Variants in GTF2F2 observed in about 807,000 individuals in gnomAD.
GTF2F2 encodes the protein general transcription factor IIF subunit 2.
Under a neutral mutation model 42.2 loss-of-function variants are expected in GTF2F2, and 23 were observed. The observed-to-expected ratio is 0.55, with a 90% CI of 0.39 to 0.77. The LOEUF is 0.77. Ranked by LOEUF, GTF2F2 falls within the 30% of genes least tolerant of loss-of-function variation. The pLI is 0.00. For missense variants in GTF2F2, 261 were observed against 287.2 expected (o/e 0.91, Z 0.66); for synonymous variants, 105 against 100.8 (o/e 1.04, Z -0.25).
intron 5 of GTF2F2, among the ~76,000 whole-genome samples, chr13:45,240,876 A>G (rs1875259839): frequency 6.6e-6 from 1 of 151,694 alleles, no homozygotes; most frequent in Admixed American, 6.6e-5. Flanking sequence ...ATGGTGGCTC[A>G]TGCCTGTAAT....
At chr13:45,266,129 T>TGGC (rs1435709179) in intron 6 of GTF2F2, among the ~76,000 whole-genome samples, 1 of 152,206 alleles carries the variant, frequency 6.6e-6, no homozygotes, top group Non-Finnish European at 1.5e-5. Flanking sequence ...CTTTTTAAGC[T>TGGC]GGCATGCATG....
intron 4 of GTF2F2, among the ~76,000 whole-genome samples, chr13:45,165,573 C>G (rs977843391): frequency 6.7e-6 from 1 of 150,178 alleles, no homozygotes. Flanking sequence ...CCTCGCCCCC[C>G]CCCGCCGCCC....
chr13:45,255,537 G>A (rs1876069032), intron 6 of GTF2F2, among the ~76,000 whole-genome samples: 1 of 152,196 alleles, frequency 6.6e-6, no homozygotes, highest in South Asian at 2.1e-4. Context: ...TAAGGTTTCA[G>A]ATGATCCAGA....
chr13:45,124,190 C>G (rs564731624), intron 1 of GTF2F2: 4 of 432,206 alleles, frequency 9.3e-6, no homozygotes, highest in Admixed American at 5.5e-5. Flanking sequence ...TCAAGCGATT[C>G]TCCTGCCTCA....
chr13:45,137,055 T>C (rs1284359937), intron 2 of GTF2F2, among the ~76,000 whole-genome samples: 1 of 152,216 alleles, frequency 6.6e-6, no homozygotes, highest in African/African-American at 2.4e-5. Flanking sequence ...TTGGTTTACC[T>C]TAATGGCGGT....
At chr13:45,149,992 G>A (rs1479816709) in intron 3 of GTF2F2, among the ~76,000 whole-genome samples, 2 of 152,034 alleles carry the variant, frequency 1.3e-5, no homozygotes, top group African/African-American at 4.8e-5. Flanking sequence ...TTTCTTCTTT[G>A]ACCTACATTT....
chr13:45,274,358 G>A (rs1389810390), intron 7 of GTF2F2, among the ~76,000 whole-genome samples: 5 of 115,246 alleles, frequency 4.3e-5, no homozygotes, highest in East Asian at 4.6e-4. Flanking sequence ...ATGGAGTCTC[G>A]CTCTGTCACC....
intron 7 of GTF2F2, among the ~76,000 whole-genome samples, 197 bp downstream of exon 7, chr13:45,267,573 A>G (rs1468310590): frequency 6.6e-6 from 1 of 152,188 alleles, no homozygotes; most frequent in Admixed American, 6.5e-5. Flanking sequence ...TACTCTTAAT[A>G]ATTATTTATG....
rs28635023 is a variant in GTF2F2 at position 45,217,478 on chromosome 13, G to A, written c.386+9973G>A. On this transcript the variant is annotated intron_variant, in intron 5 of 7. Coordinates refer to ENST00000340473, the MANE Select transcript of GTF2F2 (RefSeq NM_004128.3). ...TGTTTCTGTCTGTGCTAGATTGTGA[G>A]CCCCTTGAGGTCAGGGACTGTATCT... is the stretch of plus-strand genomic sequence containing the variant. 8.5e-5 allele frequency among the ~76,000 whole-genome samples: 13 copies of A among 152,128 alleles called. No individual in the cohort carries two copies. In the East Asian group the frequency reaches 2.3e-3, roughly 27 times the overall value.
At chr13:45,185,809 A>T (rs1004550773) in intron 4 of GTF2F2, among the ~76,000 whole-genome samples, 2 of 152,160 alleles carry the variant, frequency 1.3e-5, no homozygotes, top group East Asian at 1.9e-4. Flanking sequence ...CAGTTATCTC[A>T]CCTTTATTAG....
chr13:45,163,208 T>C (rs1224492214), intron 4 of GTF2F2, among the ~76,000 whole-genome samples: 3 of 152,218 alleles, frequency 2.0e-5, no homozygotes, highest in African/African-American at 4.8e-5. Flanking sequence ...CTTTTGATTT[T>C]CTGTAGCTTC....
intron 7 of GTF2F2, among the ~76,000 whole-genome samples, chr13:45,282,037 A>G (rs1360205067): frequency 1.3e-5 from 2 of 152,070 alleles, no homozygotes; most frequent in Admixed American, 6.6e-5. Flanking sequence ...CATCTCTACT[A>G]AAAATACAAA....
intron 5 of GTF2F2, among the ~76,000 whole-genome samples, chr13:45,247,444 G>C (rs1875685817): frequency 6.6e-6 from 1 of 151,942 alleles, no homozygotes. Context: ...CCAGGCTGGA[G>C]TGCAGTGGCC....
At chr13:45,197,509 C>CAAA (rs1195927657) in intron 4 of GTF2F2, among the ~76,000 whole-genome samples, 14 of 91,502 alleles carry the variant, frequency 1.5e-4, no homozygotes, top group African/African-American at 5.8e-4. Flanking sequence ...ACCCTGTCTC[C>CAAA]AAAAAAAAAA....
chr13:45,274,771 T>C (rs1369946847), intron 7 of GTF2F2, among the ~76,000 whole-genome samples: 3 of 152,054 alleles, frequency 2.0e-5, no homozygotes, highest in Admixed American at 1.3e-4. Flanking sequence ...GGCAAAATCC[T>C]GTCTCCACAA....
chr13:45,149,850 TG>T, intron 3 of GTF2F2, 62 bp downstream of exon 3: 1 of 1,418,610 alleles, frequency 7.0e-7, no homozygotes, highest in Non-Finnish European at 9.4e-7. Flanking sequence ...TTAATAATAG[TG>T]AAAAAAGAGT....
chr13:45,164,339 C>T (rs1417495081), intron 4 of GTF2F2, among the ~76,000 whole-genome samples: 1 of 151,938 alleles, frequency 6.6e-6, no homozygotes, highest in African/African-American at 2.4e-5. Flanking sequence ...TAGTAATTCC[C>T]TTGGAACAAA....
chr13:45,148,603 G>A (rs1048794904), intron 2 of GTF2F2, among the ~76,000 whole-genome samples: 2 of 152,242 alleles, frequency 1.3e-5, no homozygotes, highest in African/African-American at 4.8e-5. Context: ...GCTTCTTCCT[G>A]TCTGATCCTG....
intron 5 of GTF2F2, among the ~76,000 whole-genome samples, chr13:45,244,167 T>C (rs933266285): frequency 6.6e-6 from 1 of 152,190 alleles, no homozygotes; most frequent in Admixed American, 6.5e-5. Context: ...TGTGTGTGTA[T>C]AGAATTGTAT....
Sources: allele counts gnomAD v4.1 joint callset (sites outside exome capture counted in the v4.1 genomes callset), GRCh38; gene constraint gnomAD v4.1.1; transcripts MANE v1.5; gene names NCBI Gene and HGNC (gene_info 2026-07-23, HGNC 2026-07-21).